The following TNKS variants were observed in gnomAD, a reference collection of about 807,000 sequenced individuals.
TNKS encodes tankyrase, also known as poly [ADP-ribose] polymerase tankyrase-1.
TNKS carries 72 observed loss-of-function variants against 135.8 expected under a neutral mutation model. That is an observed-to-expected ratio of 0.53 (90% CI 0.44 to 0.64). The LOEUF (loss-of-function observed/expected upper bound fraction) is 0.64, where lower values mean the gene tolerates loss of function less well. Among genes scored for constraint, TNKS ranks in the 30% least tolerant of loss-of-function variants. The pLI, the probability that TNKS is intolerant of heterozygous loss-of-function variation, is 0.00. For missense variants in TNKS, 1,769 were observed against 1,674.0 expected, an observed-to-expected ratio of 1.06 and a Z score of -0.99; for synonymous variants, 849 against 649.3, an observed-to-expected ratio of 1.31 and a Z score of -4.68.
chr8:9,736,010 G>C (rs1194150626), intron 17 of TNKS, among the ~76,000 whole-genome samples: 1 of 151,172 alleles, frequency 6.6e-6, no homozygotes, highest in Admixed American at 6.6e-5. Flanking sequence ...ATTGCTTTTT[G>C]GTCTCAGCAC....
chr8:9,607,559 C>T (rs1291852518), intron 2 of TNKS, among the ~76,000 whole-genome samples: 1 of 152,206 alleles, frequency 6.6e-6, no homozygotes, highest in Non-Finnish European at 1.5e-5. Context: ...GGTCGTCTTA[C>T]ACTTGCAAAG....
chr8:9,692,130 G>C (rs558920981), intron 5 of TNKS, among the ~76,000 whole-genome samples: 2 of 152,234 alleles, frequency 1.3e-5, no homozygotes, highest in African/African-American at 4.8e-5. Context: ...GCGTTACTGA[G>C]GCTTGGCTTA....
chr8:9,730,642 T>C (rs1357512195), intron 13 of TNKS, among the ~76,000 whole-genome samples: 1 of 152,232 alleles, frequency 6.6e-6, no homozygotes, highest in Non-Finnish European at 1.5e-5. Flanking sequence ...GTTTTTCTAT[T>C]TGATTCCGAT....
intron 3 of TNKS, among the ~76,000 whole-genome samples, chr8:9,649,061 T>C (rs1377070346): frequency 6.6e-6 from 1 of 152,216 alleles, no homozygotes; most frequent in Non-Finnish European, 1.5e-5. Flanking sequence ...TGAATGAAAT[T>C]GTTATGCTAC....
In TNKS at chr8:9,778,626, A is replaced by G. The variant is rs1808334897; in HGVS notation, c.*1890A>G. 6.6e-6 allele frequency: 1 copy of G among 152,606 alleles called. No individual in the cohort carries two copies. The highest frequency in any genetic ancestry group is 2.4e-5 in the African/African-American group (1 of 41,446). 9.5% of individuals were successfully genotyped at this position (152,606 alleles called of 1,614,324 possible). A position where few individuals can be genotyped will look rare whatever the true frequency, so the allele number is the denominator to read the frequency against. On this transcript the variant is annotated 3_prime_UTR_variant, in exon 27 of 27. Coordinates refer to ENST00000310430, the MANE Select transcript of TNKS (RefSeq NM_003747.3). ...TTTGTGTCTTGGCTACTTGTTTAAT[A>G]GCACTAGAATTCCAGGTGAAGCTTT... is the stretch of plus-strand genomic sequence containing the variant.
Position 9,667,157 on chromosome 8 carries a change from C to T in TNKS, c.995-12794C>T, listed in dbSNP as rs1478952260. Among the ~76,000 whole-genome samples the T allele has an allele frequency of 3.3e-5, 5 of 152,304 alleles. No individual in the cohort carries two copies. In the East Asian group the frequency reaches 9.6e-4, roughly 29 times the overall value. ...ACGACAGAATACTCAAAAACACTTT[C>T]TTCAGAGATTCTTCTTAATATTTGT... On this transcript the variant is annotated intron_variant, in intron 3 of 26. Coordinates refer to ENST00000310430, the MANE Select transcript of TNKS (RefSeq NM_003747.3).
intron 15 of TNKS, 40 bp downstream of exon 15, chr8:9,733,484 T>C: frequency 6.5e-7 from 1 of 1,539,542 alleles, no homozygotes; most frequent in Non-Finnish European, 8.9e-7. Context: ...ACTAATTTTA[T>C]TTATATTTTG....
At chr8:9,654,428 A>G (rs1194389247) in intron 3 of TNKS, among the ~76,000 whole-genome samples, 1 of 152,244 alleles carries the variant, frequency 6.6e-6, no homozygotes, top group Non-Finnish European at 1.5e-5. Flanking sequence ...TTTGCAACTG[A>G]AAGGAGATAT....
chr8:9,670,811 T>C (rs1279890046), intron 3 of TNKS: 1 of 152,214 alleles, frequency 6.6e-6, no homozygotes, highest in Non-Finnish European at 1.5e-5. Context: ...ATGGTAATAG[T>C]TTTTCCAGGG....
chr8:9,649,312 T>A (rs1294921379), intron 3 of TNKS, among the ~76,000 whole-genome samples: 1 of 152,144 alleles, frequency 6.6e-6, no homozygotes, highest in Non-Finnish European at 1.5e-5. Flanking sequence ...TTTTCTTGTT[T>A]CTCCAGAGAA....
chr8:9,698,778 A>G (rs1330337457), intron 5 of TNKS, among the ~76,000 whole-genome samples: 2 of 152,192 alleles, frequency 1.3e-5, no homozygotes, highest in African/African-American at 4.8e-5. Flanking sequence ...ACTACCTTAA[A>G]TGCTTTATAC....
Position 9,678,424 on chromosome 8 carries a change from T to C in TNKS, c.995-1527T>C, listed in dbSNP as rs139625172. Among the ~76,000 whole-genome samples the C allele has an allele frequency of 2.7e-4, 41 of 152,278 alleles. No individual in the cohort carries two copies. In the East Asian group the frequency reaches 5.6e-3, roughly 21 times the overall value. ...TTTACTCTGTCAGTTGGCTAAAAAA[T>C]CTGAAATACAATTTATGGGAAATTA... On this transcript the variant is annotated intron_variant, in intron 3 of 26. Coordinates refer to ENST00000310430, the MANE Select transcript of TNKS (RefSeq NM_003747.3).
intron 13 of TNKS, among the ~76,000 whole-genome samples, chr8:9,730,409 C>T (rs1194632650): frequency 6.6e-6 from 1 of 152,084 alleles, no homozygotes; most frequent in East Asian, 1.9e-4. Flanking sequence ...ATCAAAAGAC[C>T]CAGGGAGTGG....
chr8:9,584,579 A>T (rs1798297025), intron 2 of TNKS, among the ~76,000 whole-genome samples: 1 of 152,210 alleles, frequency 6.6e-6, no homozygotes, highest in South Asian at 2.1e-4. Context: ...CTGTCATTTC[A>T]GTCTAAGATA....
chr8:9,588,604 GA>G lies in TNKS; in HGVS notation c.898+8223del, dbSNP rs1279078455. ...AATTGTTTCTTTTATCTAAAAAGGG[GA>G]ATTTTATTGTCTGCAATATGAGGCA... is the stretch of plus-strand genomic sequence containing the variant. On this transcript the variant is annotated intron_variant, in intron 2 of 26. Coordinates refer to ENST00000310430, the MANE Select transcript of TNKS (RefSeq NM_003747.3). Among the ~76,000 whole-genome samples the G allele has an allele frequency of 2.0e-5, 3 of 152,280 alleles. No homozygotes were observed. The East Asian group carries it at 5.8e-4, about 29-fold the overall frequency.
intron 5 of TNKS, among the ~76,000 whole-genome samples, chr8:9,687,533 T>C (rs1330208413): frequency 6.6e-6 from 1 of 152,236 alleles, no homozygotes; most frequent in Non-Finnish European, 1.5e-5. Context: ...ATCTCTATTT[T>C]GTCAAGCATG....
At chr8:9,672,223 TG>T (rs1460731479) in intron 3 of TNKS, among the ~76,000 whole-genome samples, 6 of 152,188 alleles carry the variant, frequency 3.9e-5, no homozygotes, top group Non-Finnish European at 8.8e-5. Context: ...ATAAGGGGTA[TG>T]TATTATTGGA....
At chr8:9,761,447 A>G (rs1807143522) in intron 20 of TNKS, 69 bp from the exon 21 acceptor site, 1 of 1,526,728 alleles carries the variant, frequency 6.5e-7, no homozygotes, top group Admixed American at 1.9e-5. Flanking sequence ...CATTGAAGGC[A>G]ATTGGAAAAG....
At chr8:9,753,324 G>C (rs574175730) in intron 20 of TNKS, among the ~76,000 whole-genome samples, 14 of 152,278 alleles carry the variant, frequency 9.2e-5, no homozygotes, top group African/African-American at 3.4e-4. Context: ...AAGCACAGTA[G>C]TACTTAGACA....
Sources: gnomAD v4.1 joint callset for allele counts (sites outside exome capture counted in the v4.1 genomes callset) on GRCh38, gnomAD v4.1.1 for gene constraint, MANE v1.5 for transcripts, NCBI Gene and HGNC (gene_info 2026-07-23, HGNC 2026-07-21) for gene names.